The following CCDC102B variants were observed in gnomAD, a reference collection of about 807,000 sequenced individuals.
CCDC102B encodes coiled-coil domain-containing protein 102B.
Under a neutral mutation model 57.4 loss-of-function variants are expected in CCDC102B, and 75 were observed. The ratio of observed to expected loss-of-function variants is 1.31; its 90% confidence interval spans 1.08 to 1.58. The LOEUF (loss-of-function observed/expected upper bound fraction) is 1.58. Ranked by LOEUF, CCDC102B falls within the 40% of genes most tolerant of loss-of-function variation. The pLI is 0.00. For missense variants in CCDC102B, 636 were observed against 582.6 expected (o/e 1.09, Z -0.94); for synonymous variants, 206 against 201.9 (o/e 1.02, Z -0.17).
chr18:69,046,603 T>A (rs538545723), intron 7 of CCDC102B, among the ~76,000 whole-genome samples: 7 of 152,188 alleles, frequency 4.6e-5, no homozygotes, highest in African/African-American at 1.7e-4. Context: ...TTTAATTAGA[T>A]CCCAATTGTC....
At chr18:68,816,459 CTTTTTTT>C (rs869077830) in intron 1 of CCDC102B, among the ~76,000 whole-genome samples, 2 of 100,596 alleles carry the variant, frequency 2.0e-5, no homozygotes, top group East Asian at 3.5e-4. Context: ...TATTTCCTTT[CTTTTTTT>C]TTTTTTTTTT....
intron 4 of CCDC102B, among the ~76,000 whole-genome samples, chr18:68,858,484 A>C (rs925800094): frequency 6.6e-6 from 1 of 152,124 alleles, no homozygotes; most frequent in Admixed American, 6.6e-5. Flanking sequence ...CAAATATTTA[A>C]CTTCCCCTCC....
At chr18:68,778,791 T>G (rs952087881) in intron 2 of CCDC102B, among the ~76,000 whole-genome samples, 7 of 150,542 alleles carry the variant, frequency 4.6e-5, no homozygotes, top group Admixed American at 2.7e-4. Flanking sequence ...AATTCAGACT[T>G]GGGGAAGCAG....
At position 68,954,921 on chromosome 18, in the gene CCDC102B, C is replaced by T. The variant is rs115772432; in HGVS notation, c.1264-56013C>T. ...CTTGAGTACAATAACATCAGTGACA[C>T]GAAGTCTACATAATATGCTGTCTTA... On this transcript the variant is annotated intron_variant, in intron 6 of 7. Transcript: ENST00000360242. 7.1e-3 allele frequency among the ~76,000 whole-genome samples: 1,082 copies of T among 152,220 alleles called. 11 individuals are homozygous for T. Among genetic ancestry groups the T allele is most frequent in the African/African-American group, 0.024 (999 of 41,534 alleles).
intron 2 of CCDC102B, among the ~76,000 whole-genome samples, chr18:68,728,786 T>C (rs1425413423): frequency 1.3e-5 from 2 of 152,176 alleles, no homozygotes; most frequent in African/African-American, 2.4e-5. Context: ...ATATCTGGAA[T>C]TGGATGAGAA....
rs1163063475 is a variant in CCDC102B at position 68,910,731 on chromosome 18, T to C, written c.1263+13303T>C. 2.6e-5 allele frequency among the ~76,000 whole-genome samples: 4 copies of C among 152,212 alleles called. No individual in the cohort carries two copies. In the East Asian group the frequency reaches 5.8e-4, roughly 22 times the overall value. ...AAAAAGCAACTCATGAAGTCAACAA[T>C]TGGCTCTTTATTCACATTATATTGT... On this transcript the variant is annotated intron_variant, in intron 6 of 7. Coordinates refer to ENST00000360242, the MANE Select transcript of CCDC102B (RefSeq NM_024781.3).
At chr18:68,925,585 C>G (rs558634792) in intron 6 of CCDC102B, among the ~76,000 whole-genome samples, 3 of 152,102 alleles carry the variant, frequency 2.0e-5, no homozygotes, top group African/African-American at 7.2e-5. Context: ...GGTAGCAACA[C>G]CTCTTTATTC....
chr18:68,764,746 C>G (rs188221085), intron 2 of CCDC102B, among the ~76,000 whole-genome samples: 34 of 152,100 alleles, frequency 2.2e-4, no homozygotes, highest in African/African-American at 8.0e-4. Flanking sequence ...TCCATCAACA[C>G]TTTCTAGCCT....
At position 68,934,886 on chromosome 18, in the gene CCDC102B, T is replaced by C. The variant is rs563654477; in HGVS notation, c.1263+37458T>C. Among the ~76,000 whole-genome samples the C allele has an allele frequency of 2.6e-5, 4 of 151,448 alleles. No individual in the cohort carries two copies. The East Asian group carries it at 7.8e-4, about 30-fold the overall frequency. On this transcript the variant is annotated intron_variant, in intron 6 of 7. Transcript: ENST00000360242. ...TAGGTACGTTTCAATTAAAAAAAAA[T>C]AGACACAAAATCCATGCCTATTTGA...
intron 7 of CCDC102B, among the ~76,000 whole-genome samples, chr18:69,045,190 G>A (rs979927798): frequency 2.0e-5 from 3 of 151,966 alleles, no homozygotes; most frequent in Admixed American, 6.6e-5. Flanking sequence ...TATTGAATTG[G>A]AGGGAACACA....
At chr18:68,811,094 A>G (rs2036246441) in intron 1 of CCDC102B, among the ~76,000 whole-genome samples, 2 of 152,058 alleles carry the variant, frequency 1.3e-5, no homozygotes, top group African/African-American at 4.8e-5. Flanking sequence ...TATCCAGTCT[A>G]CCATTGATGG....
chr18:69,040,418 GTA>G (rs1224111289), intron 7 of CCDC102B, among the ~76,000 whole-genome samples: 895 of 9,418 alleles, frequency 0.095, 13 homozygotes, highest in African/African-American at 0.17. Context: ...GTGTGTGTGT[GTA>G]TGTGTGTGTG....
Position 68,872,118 on chromosome 18 carries a change from G to A in CCDC102B, c.937-2551G>A, listed in dbSNP as rs1244028300. On this transcript the variant is annotated intron_variant, in intron 4 of 7. Coordinates refer to ENST00000360242, the MANE Select transcript of CCDC102B (RefSeq NM_024781.3). ...GAAGGATGGTATTGCCATTTACTGA[G>A]GTGACAAAGACTGACAGAGAAACAG... Among the ~76,000 whole-genome samples, 3 of 152,136 alleles carry A rather than the reference G, an allele frequency of 2.0e-5. No individual in the cohort carries two copies. The East Asian group carries it at 5.8e-4, about 29-fold the overall frequency.
chr18:68,827,215 T>C (rs965858944), intron 1 of CCDC102B, among the ~76,000 whole-genome samples: 1 of 152,058 alleles, frequency 6.6e-6, no homozygotes, highest in African/African-American at 2.4e-5. Context: ...AAAAGAATCC[T>C]GTAGCATCAA....
rs368791611 is a variant in CCDC102B at position 68,883,800 on chromosome 18, C to T, written c.1053+9015C>T. Among the ~76,000 whole-genome samples the T allele has an allele frequency of 1.9e-4, 29 of 152,242 alleles. No individual in the cohort carries two copies. The East Asian group carries it at 3.3e-3, about 17-fold the overall frequency. On this transcript the variant is annotated intron_variant, in intron 5 of 7. Coordinates refer to ENST00000360242, the MANE Select transcript of CCDC102B (RefSeq NM_024781.3). The stretch of plus-strand genomic sequence containing the variant: ...GAACATTTCTCTCTGAGTACAGTGC[C>T]CTTCTCAAAGGAAAATAGAGACTGG...
At chr18:68,927,194 A>AT (rs2041502023) in intron 6 of CCDC102B, among the ~76,000 whole-genome samples, 1 of 151,960 alleles carries the variant, frequency 6.6e-6, no homozygotes, top group Non-Finnish European at 1.5e-5. Flanking sequence ...TCTGGAAATA[A>AT]TTTTTAACCT....
At chr18:68,922,956 A>G (rs2041337750) in intron 6 of CCDC102B, among the ~76,000 whole-genome samples, 1 of 152,104 alleles carries the variant, frequency 6.6e-6, no homozygotes, top group Admixed American at 6.6e-5. Context: ...GACTTGCTCA[A>G]GTCTGACATT....
rs115130475 is a variant in CCDC102B at position 69,019,815 on chromosome 18, A to C, written c.1434+8711A>C. 5.9e-3 allele frequency among the ~76,000 whole-genome samples: 899 copies of C among 152,198 alleles called. 16 individuals are homozygous for C. The highest frequency in any genetic ancestry group is 0.019 in the African/African-American group (803 of 41,550). ...TTGTATTATAACAGATCTTGGAAGA[A>C]ATTTTTTGAGTTTTCACTATTTATC... On this transcript the variant is annotated intron_variant, in intron 7 of 7. Coordinates refer to ENST00000360242, the MANE Select transcript of CCDC102B (RefSeq NM_024781.3).
intron 2 of CCDC102B, among the ~76,000 whole-genome samples, chr18:68,732,162 A>G (rs184984349): frequency 4.8e-4 from 72 of 151,474 alleles, no homozygotes; most frequent in Admixed American, 9.2e-4. Context: ...GGAATCTTCA[A>G]TCTCTTTCCT....
Sources: allele counts gnomAD v4.1 joint callset (sites outside exome capture counted in the v4.1 genomes callset), GRCh38; gene constraint gnomAD v4.1.1; transcripts MANE v1.5; gene names NCBI Gene and HGNC (gene_info 2026-07-23, HGNC 2026-07-21).